CHD7: variants seen among roughly 807,000 people sequenced by gnomAD.
CHD7 encodes the protein chromodomain helicase DNA binding protein 7.
A neutral mutation model predicts 307.3 loss-of-function variants in CHD7; 24 were observed. The ratio of observed to expected loss-of-function variants is 0.08; its 90% CI spans 0.06 to 0.11. The LOEUF (loss-of-function observed/expected upper bound fraction) is 0.11, where lower values mean the gene tolerates loss of function less well. CHD7 is among the 10% of genes least tolerant of loss of function. The pLI is 1.00. For missense variants in CHD7, 3,106 were observed against 3,727.1 expected (o/e 0.83, Z 4.34); for synonymous variants, 1,363 against 1,349.9 (o/e 1.01, Z -0.21).
intron 6 of CHD7, among the ~76,000 whole-genome samples, chr8:60,805,275 G>A (rs1241057632): frequency 6.6e-6 from 1 of 152,144 alleles, no homozygotes; most frequent in African/African-American, 2.4e-5. Flanking sequence ...AAAGAGGTCA[G>A]CATGATCATA....
At chr8:60,861,348 G>A (rs1245400965) in intron 35 of CHD7, 7 of 482,976 alleles carry the variant, frequency 1.4e-5, no homozygotes, top group Admixed American at 3.6e-5. Flanking sequence ...GAAGATGCGC[G>A]TTATGCATTT....
At chr8:60,765,162 C>T (rs975697522) in intron 2 of CHD7, among the ~76,000 whole-genome samples, 2 of 152,020 alleles carry the variant, frequency 1.3e-5, no homozygotes, top group Non-Finnish European at 2.9e-5. Context: ...CAATAGGCCT[C>T]TGGTATGTGT....
At chr8:60,748,709 C>T (rs1049472248) in intron 2 of CHD7, among the ~76,000 whole-genome samples, 4 of 152,164 alleles carry the variant, frequency 2.6e-5, no homozygotes, top group Non-Finnish European at 4.4e-5. Flanking sequence ...AGTCCATAGA[C>T]GTGTCCCAGA....
At position 60,845,428 on chromosome 8, in the gene CHD7, G is replaced by A. The variant is rs1399389394; in HGVS notation, c.5210+19G>A. 4 of 1,611,560 alleles carry A rather than the reference G, an allele frequency of 2.5e-6. No homozygotes were observed. Among genetic ancestry groups the A allele is most frequent in the African/African-American group, 1.3e-5 (1 of 74,886 alleles). On this transcript the variant is annotated intron_variant, in intron 23 of 37. Transcript: ENST00000423902. ...GTAACAAGTATGTTATTAGAGGGTG[G>A]ACCTGGAGAGCTTAATTCCCTTTTT...
intron 5 of CHD7, among the ~76,000 whole-genome samples, chr8:60,801,272 C>T (rs1016904631): frequency 4.6e-5 from 7 of 152,112 alleles, no homozygotes; most frequent in Admixed American, 2.6e-4. Flanking sequence ...TTTCTGATTG[C>T]TCTCTAGCTT....
Position 60,854,467 on chromosome 8 carries a change from C to A in CHD7, c.6880C>A (p.Pro2294Thr), listed in dbSNP as rs767696409. ...RDGFYMEDGD[P>T]SVAQLLHERT... ...TGGATTCTACATGGAGGACGGAGAT[C>A]CTTCAGTAGCTCAGCTCCTTCATGA... Residue 2294 changes from proline (P) to threonine (T), a missense_variant, in exon 32 of 38, where the codon CCT becomes ACT. By Grantham distance (38) the Pro-to-Thr change is conservative (BLOSUM62 -1). Around this residue, in one of 10 missense-constraint regions of CHD7, gnomAD observed 1,030 missense variants for 1,165.4 expected, o/e 0.88. Transcript: ENST00000423902. 1.2e-6 allele frequency: 2 copies of A among 1,611,446 alleles called. No individual in the cohort carries two copies. Among genetic ancestry groups the A allele is most frequent in the Non-Finnish European group, 1.7e-6 (2 of 1,178,120 alleles).
In CHD7 at chr8:60,741,351, C is replaced by T. The variant is rs1314029535; in HGVS notation, c.-82C>T. The T allele has an allele frequency of 2.1e-6, 2 of 960,810 alleles. No homozygotes were observed. Among genetic ancestry groups the T allele is most frequent in the East Asian group, 5.2e-5 (2 of 38,266 alleles). 59.5% of individuals were successfully genotyped at this position (960,810 alleles called of 1,614,324 possible). ...AAGAAGATTAGTTAAGGATTATAGG[C>T]TTTGAGGGCAAACACCTCAGTGAAG... On this transcript the variant is annotated 5_prime_UTR_variant, in exon 2 of 38. Coordinates refer to ENST00000423902, the MANE Select transcript of CHD7 (RefSeq NM_017780.4).
At chr8:60,764,144 C>T (rs552823942) in intron 2 of CHD7, among the ~76,000 whole-genome samples, 11 of 152,190 alleles carry the variant, frequency 7.2e-5, no homozygotes, top group Non-Finnish European at 1.3e-4. Context: ...CCCGCCACCA[C>T]GCCCAGATAA....
rs140134519 is a variant in CHD7 at position 60,783,223 on chromosome 8, T to C, written c.2096+1793T>C. Among the ~76,000 whole-genome samples, 34 of 152,352 alleles carry C rather than the reference T, an allele frequency of 2.2e-4. 1 individual carries two copies. In the East Asian group the frequency reaches 6.4e-3, roughly 28 times the overall value. On this transcript the variant is annotated intron_variant, in intron 3 of 37. Coordinates refer to ENST00000423902, the MANE Select transcript of CHD7 (RefSeq NM_017780.4). ...ATCTACATCAGACTGGCTCTATGTT[T>C]AAAAACTTACTTAGCATACCCTTAC... is the stretch of plus-strand genomic sequence containing the variant.
At chr8:60,847,367 G>A (rs1805257904) in intron 23 of CHD7, among the ~76,000 whole-genome samples, 1 of 152,208 alleles carries the variant, frequency 6.6e-6, no homozygotes, top group Admixed American at 6.5e-5. Context: ...CATGTGCAAG[G>A]TAACTCTGGC....
chr8:60,799,767 G>A (rs1263988856), intron 4 of CHD7, among the ~76,000 whole-genome samples: 1 of 152,118 alleles, frequency 6.6e-6, no homozygotes, highest in South Asian at 2.1e-4. Flanking sequence ...GCCAGCTCCA[G>A]TATTGCTGCC....
rs371399850 is a variant in CHD7, at chr8:60,865,447, G to C, written c.8508G>C (p.Pro2836=). 9 of 1,613,940 alleles carry C rather than the reference G, an allele frequency of 5.6e-6. No individual in the cohort carries two copies. The highest frequency in any genetic ancestry group is 7.6e-6 in the Non-Finnish European group (9 of 1,179,872). ...CTACTGCTTCTAGTCAAGGAGAACCGGAAGACAGCACTTCAAAAGGAGAGG... is the reference window on the plus strand; with the variant it reads ...CTACTGCTTCTAGTCAAGGAGAACCCGAAGACAGCACTTCAAAAGGAGAGG... ...NTTTASSQGE[P]EDSTSKGEEK... Residue 2836 remains proline (P), a synonymous_variant, in exon 38 of 38, where the codon CCG becomes CCC. Transcript: ENST00000423902. The surrounding 1 kb of genome is among the most constrained non-coding windows in gnomAD (Gnocchi z 4.3).
rs766373014 is a variant in CHD7, at chr8:60,848,615, G to A, written c.5300+11G>A. 1 of 1,602,462 alleles carries A rather than the reference G, an allele frequency of 6.2e-7. No individual in the cohort carries two copies. The highest frequency in any genetic ancestry group is 1.7e-5 in the Admixed American group (1 of 59,650). On this transcript the variant is annotated intron_variant, in intron 24 of 37. Transcript: ENST00000423902. ...GGGTGCTGACTCAAGGTTAGTGCGA[G>A]CTCACATTTGTTCTCAACCTCAGTG...
chr8:60,783,489 GAGTA>G (rs1380163054), intron 3 of CHD7, among the ~76,000 whole-genome samples: 1 of 152,196 alleles, frequency 6.6e-6, no homozygotes, highest in Non-Finnish European at 1.5e-5. Context: ...AGTCTGTGCA[GAGTA>G]AGTGTTTGGC....
At chr8:60,730,529 A>G (rs1394570551) in intron 1 of CHD7, among the ~76,000 whole-genome samples, 2 of 152,130 alleles carry the variant, frequency 1.3e-5, no homozygotes, top group East Asian at 3.9e-4. Context: ...TTTCAGTTTC[A>G]GTGGTTTCAG....
chr8:60,728,622 T>A lies in CHD7; in HGVS notation c.-174-12637T>A, dbSNP rs182878591. Among the ~76,000 whole-genome samples the A allele has an allele frequency of 1.1e-3, 167 of 152,322 alleles. 1 individual carries two copies. The highest frequency in any genetic ancestry group is 1.7e-3 in the African/African-American group (71 of 41,578). On this transcript the variant is annotated intron_variant, in intron 1 of 37. Transcript: ENST00000423902. ...CTCACTGCAACGAGCAAGGTCTTTC[T>A]TGATGTGCCCGCCTAGCTGGGGACA...
At chr8:60,843,823 A>G (rs923804602) in intron 21 of CHD7, among the ~76,000 whole-genome samples, 15 of 152,140 alleles carry the variant, frequency 9.9e-5, no homozygotes, top group Non-Finnish European at 2.1e-4. Flanking sequence ...TAGGGAAGGG[A>G]AGTGAGGTAC....
At chr8:60,777,077 G>A (rs1317198162) in intron 2 of CHD7, among the ~76,000 whole-genome samples, 2 of 152,142 alleles carry the variant, frequency 1.3e-5, no homozygotes, top group Admixed American at 1.3e-4. Context: ...GAGCACAAGT[G>A]CCTCCTCCTC....
intron 1 of CHD7, among the ~76,000 whole-genome samples, chr8:60,725,718 A>T (rs1754587518): frequency 2.6e-5 from 4 of 152,186 alleles, no homozygotes; most frequent in African/African-American, 7.2e-5. Context: ...ATTGTTGGTG[A>T]TTAGGGAGAG....
Sources: allele counts gnomAD v4.1 joint callset (sites outside exome capture counted in the v4.1 genomes callset), GRCh38; gene constraint gnomAD v4.1.1; regional missense constraint gnomAD v4.1.1; non-coding constraint Gnocchi (gnomAD v3.1); transcripts MANE v1.5; gene names NCBI Gene and HGNC (gene_info 2026-07-23, HGNC 2026-07-21).